Variants in SNX18 observed in about 807,000 individuals in gnomAD.
SNX18 encodes the protein sorting nexin-18.
A neutral mutation model predicts 48.7 loss-of-function variants in SNX18; 35 were observed. That is an observed-to-expected ratio of 0.72 (90% CI 0.55 to 0.95). The LOEUF (loss-of-function observed/expected upper bound fraction) is 0.95. Ranked by LOEUF, SNX18 falls within the 40% of genes least tolerant of loss-of-function variation. The probability of loss-of-function intolerance (pLI) is 0.00; values close to 1 mark genes in which losing one functional copy is unlikely to be tolerated. For synonymous variants in SNX18, 492 were observed against 384.7 expected, an observed-to-expected ratio of 1.28 and a Z score of -3.26; for missense variants, 824 against 871.0, an observed-to-expected ratio of 0.95 and a Z score of 0.68.
the SNX18 span, among the ~76,000 whole-genome samples, chr5:54,642,563 C>A: frequency 6.6e-6 from 1 of 152,120 alleles, no homozygotes; most frequent in Non-Finnish European, 1.5e-5. Flanking sequence ...GATGTTCAGG[C>A]CCTTGTTCCT....
chr5:54,647,159 G>A, the SNX18 span, among the ~76,000 whole-genome samples: 1 of 152,146 alleles, frequency 6.6e-6, no homozygotes, highest in African/African-American at 2.4e-5. Context: ...ATAGTGTTCT[G>A]AATTAGACCA....
intron 1 of SNX18, among the ~76,000 whole-genome samples, chr5:54,540,130 A>G (rs1203599654): frequency 1.3e-5 from 2 of 152,096 alleles, no homozygotes; most frequent in African/African-American, 4.8e-5. Context: ...GGCCTCAAAG[A>G]GATGTTAATA....
intron 1 of SNX18, among the ~76,000 whole-genome samples, chr5:54,538,918 G>A (rs1762407554): frequency 6.6e-6 from 1 of 152,078 alleles, no homozygotes; most frequent in African/African-American, 2.4e-5. Context: ...CTACATTTGT[G>A]GGTACAATTT....
the SNX18 span, among the ~76,000 whole-genome samples, chr5:54,637,810 A>G: frequency 1.8e-4 from 27 of 152,352 alleles, no homozygotes; most frequent in Middle Eastern, 3.4e-3. Context: ...GCCATACTCT[A>G]CATGACCTTG....
chr5:54,646,270 C>G, the SNX18 span, among the ~76,000 whole-genome samples: 1 of 152,142 alleles, frequency 6.6e-6, no homozygotes, highest in South Asian at 2.1e-4. Context: ...TGGCTTTAAT[C>G]TTTTTTCTTT....
chr5:54,638,831 T>A, the SNX18 span, among the ~76,000 whole-genome samples: 2 of 152,182 alleles, frequency 1.3e-5, no homozygotes, highest in African/African-American at 4.8e-5. Flanking sequence ...AAGCTGGATC[T>A]GAGCCCTGGC....
chr5:54,584,262 G>T, the SNX18 span, among the ~76,000 whole-genome samples: 2 of 151,940 alleles, frequency 1.3e-5, no homozygotes, highest in Admixed American at 6.6e-5. Flanking sequence ...GTTGCAGGCT[G>T]GTCTCAAACT....
chr5:54,593,055 C>A, the SNX18 span, among the ~76,000 whole-genome samples: 2 of 152,192 alleles, frequency 1.3e-5, no homozygotes, highest in East Asian at 3.8e-4. Context: ...CACGCCTCAG[C>A]CTCCCAAAGT....
In SNX18 at chr5:54,518,806, A is replaced by G. The variant is rs761941472; in HGVS notation, c.854A>G (p.Lys285Arg). 2 of 1,605,352 alleles carry G rather than the reference A, an allele frequency of 1.2e-6. No individual in the cohort carries two copies. Among genetic ancestry groups the G allele is most frequent in the Non-Finnish European group, 1.7e-6 (2 of 1,175,188 alleles). ...CAGTGCACCATCGACGACCCCACCA[A>G]GCAGACCAAGTTCAAGGGCATGAAG... is the stretch of plus-strand genomic sequence containing the variant. ...PFQCTIDDPT[K>R]QTKFKGMKSY... Residue 285 changes from lysine to arginine, a missense_variant, in exon 1 of 2, where the codon AAG becomes AGG. By Grantham distance (26) the Lys-to-Arg change is conservative. Transcript: ENST00000381410.
At chr5:54,617,924 G>A in the SNX18 span, among the ~76,000 whole-genome samples, 52 of 152,200 alleles carry the variant, frequency 3.4e-4, no homozygotes, top group Non-Finnish European at 6.3e-4. Flanking sequence ...AGAAAATGCT[G>A]GAAGAGGTAA....
intron 1 of SNX18, among the ~76,000 whole-genome samples, chr5:54,533,679 A>G (rs1198735275): frequency 6.6e-6 from 1 of 152,246 alleles, no homozygotes; most frequent in Non-Finnish European, 1.5e-5. Context: ...TCACGGTTAA[A>G]GAGAAGAAAA....
At chr5:54,635,352 T>C in the SNX18 span, among the ~76,000 whole-genome samples, 6 of 152,078 alleles carry the variant, frequency 3.9e-5, no homozygotes, top group South Asian at 2.1e-4. Context: ...AGGGAAAATA[T>C]AAGAAAATTC....
At chr5:54,640,608 T>A in the SNX18 span, among the ~76,000 whole-genome samples, 1 of 152,122 alleles carries the variant, frequency 6.6e-6, no homozygotes, top group South Asian at 2.1e-4. Context: ...TAAAAAGGGA[T>A]TCATAAAATC....
intron 1 of SNX18, among the ~76,000 whole-genome samples, chr5:54,521,213 A>T (rs1018157825): frequency 2.0e-5 from 3 of 152,214 alleles, no homozygotes; most frequent in African/African-American, 7.2e-5. Context: ...GATGGAACCA[A>T]GTACAGACAC....
At chr5:54,605,292 C>T in the SNX18 span, among the ~76,000 whole-genome samples, 5 of 152,054 alleles carry the variant, frequency 3.3e-5, no homozygotes, top group African/African-American at 1.2e-4. Flanking sequence ...CATAGACATT[C>T]ATGGGGAGGA....
At chr5:54,569,227 C>T in the SNX18 span, among the ~76,000 whole-genome samples, 3 of 152,112 alleles carry the variant, frequency 2.0e-5, no homozygotes, top group African/African-American at 7.2e-5. Context: ...AATTCAGAAA[C>T]TAGAGGAAGG....
chr5:54,578,949 C>T, the SNX18 span, among the ~76,000 whole-genome samples: 2 of 152,208 alleles, frequency 1.3e-5, no homozygotes, highest in African/African-American at 4.8e-5. Flanking sequence ...CATACTTACA[C>T]CTACACTTAT....
the SNX18 span, among the ~76,000 whole-genome samples, chr5:54,629,716 A>G: frequency 6.6e-6 from 1 of 152,228 alleles, no homozygotes; most frequent in African/African-American, 2.4e-5. Flanking sequence ...CAACTTTCAC[A>G]GTGCTTTGTA....
At chr5:54,639,237 A>G in the SNX18 span, among the ~76,000 whole-genome samples, 106,768 of 152,056 alleles carry the variant, frequency 0.7, 38,361 homozygotes, top group African/African-American at 0.86. Flanking sequence ...CCAGCAATCT[A>G]GGGACATGAG....
Sources: allele counts gnomAD v4.1 joint callset (sites outside exome capture counted in the v4.1 genomes callset), GRCh38; gene constraint gnomAD v4.1.1; transcripts MANE v1.5; gene names NCBI Gene and HGNC (gene_info 2026-07-23, HGNC 2026-07-21).